Variants in HRH2 observed in about 807,000 individuals in gnomAD.
The protein encoded by HRH2 is histamine H2 receptor.
A neutral mutation model predicts 20.1 loss-of-function variants in HRH2; 4 were observed. That is an observed-to-expected ratio of 0.20 (90% CI 0.10 to 0.45). HRH2 has a LOEUF of 0.45. Among genes scored for constraint, HRH2 ranks in the 20% least tolerant of loss-of-function variants. HRH2 has a pLI of 0.99. For synonymous variants in HRH2, 197 were observed against 200.7 expected (o/e 0.98, Z 0.16); for missense variants, 250 against 461.6 (o/e 0.54, Z 4.20).
chr5:175,685,834 G>A (rs1351487709), intron 2 of HRH2: 8 of 288,520 alleles, frequency 2.8e-5, no homozygotes, highest in East Asian at 1.6e-4. Context: ...AAAAGCTTGC[G>A]TGGATATTGC....
intron 1 of HRH2, among the ~76,000 whole-genome samples, chr5:175,671,675 A>G (rs1019999738): frequency 2.0e-5 from 3 of 152,230 alleles, no homozygotes; most frequent in Admixed American, 2.0e-4. Context: ...ACAAAATTGC[A>G]AGTATTAAAT....
In HRH2 at chr5:175,658,099, G is replaced by C. The variant is rs999230393; in HGVS notation, c.-582G>C. The C allele has an allele frequency of 1.3e-5, 2 of 151,808 alleles. No individual in the cohort carries two copies. Among genetic ancestry groups the C allele is most frequent in the Admixed American group, 6.6e-5 (1 of 15,224 alleles). The allele number at this position is 151,808 out of a possible 1,614,324, so 9.4% of individuals were successfully genotyped here. A position where few individuals can be genotyped will look rare whatever the true frequency, so the allele number is the denominator to read the frequency against. Reference sequence around the variant, plus strand: ...TCCCTGCCCGGAGCGCAGCCGGCGCGGGCGCGGGACCGAGGCGAACCGGGT... The same window carrying C: ...TCCCTGCCCGGAGCGCAGCCGGCGCCGGCGCGGGACCGAGGCGAACCGGGT... On this transcript the variant is annotated 5_prime_UTR_variant, in exon 1 of 3. Coordinates refer to ENST00000636584, the MANE Select transcript of HRH2 (RefSeq NM_001367711.1).
At position 175,707,851 on chromosome 5, in the gene HRH2, G is replaced by C. The variant is rs1198900497; in HGVS notation, c.1149G>C (p.Arg383Ser). The C allele has an allele frequency of 2.5e-6, 1 of 399,278 alleles. No individual in the cohort carries two copies. The highest frequency in any genetic ancestry group is 4.4e-6 in the Non-Finnish European group (1 of 226,212). 24.7% of individuals were successfully genotyped at this position (399,278 alleles called of 1,614,324 possible). The change falls in exon 3 of 3, where the codon AGG (arginine) becomes AGC (serine). Residue 383 changes from arginine to serine, a missense_variant. By Grantham distance (110) the Arg-to-Ser change is moderately radical. Around this residue, in one of 5 missense-constraint regions of HRH2, gnomAD observed 55 missense variants for 66.9 expected, o/e 0.82. Coordinates refer to ENST00000636584, the MANE Select transcript of HRH2 (RefSeq NM_001367711.1). ...LSCCKSLWGL[R>S]FLQRHMGGPS... is the part of the protein sequence containing the mutation. ...GCTGCAAGAGCCTGTGGGGGCTCAGGTTCCTTCAGAGACACATGGGAGGCC... is the reference window on the plus strand; with the variant it reads ...GCTGCAAGAGCCTGTGGGGGCTCAGCTTCCTTCAGAGACACATGGGAGGCC...
intron 1 of HRH2, among the ~76,000 whole-genome samples, chr5:175,659,226 T>C (rs1479088787): frequency 6.6e-6 from 1 of 152,128 alleles, no homozygotes; most frequent in Non-Finnish European, 1.5e-5. Flanking sequence ...CAGATGGCAG[T>C]TTTTGTCCTG....
At position 175,693,971 on chromosome 5, in the gene HRH2, C is replaced by T. The variant is rs1044017662; in HGVS notation, c.1076+9662C>T. Among the ~76,000 whole-genome samples the T allele has an allele frequency of 3.3e-5, 5 of 152,208 alleles. No individual in the cohort carries two copies. Among genetic ancestry groups the T allele is most frequent in the African/African-American group, 1.2e-4 (5 of 41,450 alleles). ...TGGTCTGTTGCCAGAGCTCTGAAGG[C>T]TGACCTCCCCAATTTGCTGGCTGGC... is the stretch of plus-strand genomic sequence containing the variant. On this transcript the variant is annotated intron_variant, in intron 2 of 2. Coordinates refer to ENST00000636584, the MANE Select transcript of HRH2 (RefSeq NM_001367711.1). The surrounding 1 kb of genome is among the most constrained non-coding windows in gnomAD (Gnocchi z 4.4).
At chr5:175,667,028 A>G (rs1393614408) in intron 1 of HRH2, among the ~76,000 whole-genome samples, 2 of 152,110 alleles carry the variant, frequency 1.3e-5, no homozygotes, top group East Asian at 3.8e-4. Flanking sequence ...ATATATATAT[A>G]TATGTAATGT....
Position 175,708,093 on chromosome 5 carries a change from A to C in HRH2, c.*122A>C. ...CCCTGGACTGAATCTGGGGGCTCCC[A>C]GAACACACAGCTGGGTGTGGGGTCC... On this transcript the variant is annotated 3_prime_UTR_variant, in exon 3 of 3. Transcript: ENST00000636584. The C allele has an allele frequency of 2.5e-6, 1 of 397,838 alleles. No individual in the cohort carries two copies. Among genetic ancestry groups the C allele is most frequent in the Non-Finnish European group, 4.4e-6 (1 of 225,892 alleles). The allele number at this position is 397,838 out of a possible 1,614,324, so 24.6% of individuals were successfully genotyped here.
chr5:175,689,877 G>A (rs548122799), intron 2 of HRH2, among the ~76,000 whole-genome samples: 15 of 152,308 alleles, frequency 9.8e-5, no homozygotes, highest in East Asian at 5.8e-4. Flanking sequence ...TCACCACGGC[G>A]TGTCCTGGTT....
intron 1 of HRH2, among the ~76,000 whole-genome samples, chr5:175,679,630 G>T (rs1054011369): frequency 6.6e-6 from 1 of 152,202 alleles, no homozygotes; most frequent in Admixed American, 6.5e-5. Context: ...CTGCTTTTAG[G>T]CATCTAGGAG....
chr5:175,699,540 G>A lies in HRH2; in HGVS notation c.1077-8239G>A, dbSNP rs116710544. ...AGTACAGGATCAGCCCAGAGCCTCAGCACCCAGTCCCTCTGCTGTCGGTTG... is the reference window on the plus strand; with the variant it reads ...AGTACAGGATCAGCCCAGAGCCTCAACACCCAGTCCCTCTGCTGTCGGTTG... On this transcript the variant is annotated intron_variant, in intron 2 of 2. Transcript: ENST00000636584. 4.8e-3 allele frequency among the ~76,000 whole-genome samples: 728 copies of A among 151,582 alleles called. 4 individuals are homozygous for A. The highest frequency in any genetic ancestry group is 0.017 in the African/African-American group (695 of 40,926).
rs1169202756 is a variant in HRH2 at position 175,682,734 on chromosome 5, A to T, written c.-500A>T. On this transcript the variant is annotated 5_prime_UTR_variant, in exon 2 of 3. Coordinates refer to ENST00000636584, the MANE Select transcript of HRH2 (RefSeq NM_001367711.1). ...CTCCTGCCCTCCACTGACTCCAGAG[A>T]GGGAGATCCCCAGTACTTGACTCCA... The T allele has an allele frequency of 6.3e-6, 1 of 158,246 alleles. No individual in the cohort carries two copies. Among genetic ancestry groups the T allele is most frequent in the Non-Finnish European group, 1.4e-5 (1 of 71,360 alleles). 9.8% of individuals were successfully genotyped at this position (158,246 alleles called of 1,614,324 possible). A position where few individuals can be genotyped will look rare whatever the true frequency, so the allele number is the denominator to read the frequency against.
intron 1 of HRH2, among the ~76,000 whole-genome samples, chr5:175,670,939 C>T (rs1324777461): frequency 6.6e-6 from 1 of 152,256 alleles, no homozygotes; most frequent in African/African-American, 2.4e-5. Context: ...GACATGGGCC[C>T]TGCCCTGTGG....
intron 1 of HRH2, among the ~76,000 whole-genome samples, chr5:175,682,449 T>A (rs1214323931): frequency 6.6e-6 from 1 of 152,182 alleles, no homozygotes; most frequent in Non-Finnish European, 1.5e-5. Flanking sequence ...ATCCTTCTTT[T>A]CTCAGTACAA....
At chr5:175,690,131 C>A (rs996555845) in intron 2 of HRH2, among the ~76,000 whole-genome samples, 3 of 152,210 alleles carry the variant, frequency 2.0e-5, no homozygotes, top group African/African-American at 7.2e-5. Context: ...TTCAGCGTTC[C>A]TGCCCGGCCT....
At chr5:175,678,233 C>G (rs1460730521) in intron 1 of HRH2, among the ~76,000 whole-genome samples, 5 of 152,196 alleles carry the variant, frequency 3.3e-5, no homozygotes, top group Admixed American at 3.3e-4. Context: ...AGCCCAGTCC[C>G]CAGCACAGTG....
At chr5:175,661,897 C>A (rs1762748345) in intron 1 of HRH2, among the ~76,000 whole-genome samples, 1 of 152,178 alleles carries the variant, frequency 6.6e-6, no homozygotes, top group Non-Finnish European at 1.5e-5. Context: ...TGGCAGGCGC[C>A]TGTAGTCCCA....
At chr5:175,666,668 C>G (rs773059929) in intron 1 of HRH2, among the ~76,000 whole-genome samples, 35 of 152,092 alleles carry the variant, frequency 2.3e-4, no homozygotes, top group African/African-American at 8.2e-4. Flanking sequence ...TGGGCTCAAG[C>G]GATCCACCCG....
chr5:175,676,740 T>C (rs2113503403), intron 1 of HRH2, among the ~76,000 whole-genome samples: 1 of 152,322 alleles, frequency 6.6e-6, no homozygotes, highest in Non-Finnish European at 1.5e-5. Flanking sequence ...CTCCTCACCC[T>C]TCAGAGTCTC....
rs1425520591 is a variant in HRH2 at position 175,687,123 on chromosome 5, G to C, written c.1076+2814G>C. ...TGTCCTCCAGCCCCCAGGAGCAGGG[G>C]CAGAGGGCTTTGGCAGAGAAGGGTG... On this transcript the variant is annotated intron_variant, in intron 2 of 2. Coordinates refer to ENST00000636584, the MANE Select transcript of HRH2 (RefSeq NM_001367711.1). This position sits in a 1 kb window ranked among gnomAD's most constrained non-coding sequence, Gnocchi z 5.2. Among the ~76,000 whole-genome samples, 1 of 152,216 alleles carries C rather than the reference G, an allele frequency of 6.6e-6. No individual in the cohort carries two copies. Among genetic ancestry groups the C allele is most frequent in the Non-Finnish European group, 1.5e-5 (1 of 68,032 alleles).
Sources: gnomAD v4.1 joint callset for allele counts (sites outside exome capture counted in the v4.1 genomes callset) on GRCh38, gnomAD v4.1.1 for gene constraint, gnomAD v4.1.1 regional missense constraint, Gnocchi (gnomAD v3.1) non-coding constraint, MANE v1.5 for transcripts, NCBI Gene and HGNC (gene_info 2026-07-23, HGNC 2026-07-21) for gene names.